Variants in CBFA2T2 observed in about 807,000 individuals in gnomAD.
The protein encoded by CBFA2T2 is CBFA2/RUNX1 partner transcriptional co-repressor 2.
Under a neutral mutation model 62.2 loss-of-function variants are expected in CBFA2T2, and 11 were observed. That is an observed-to-expected ratio of 0.18 (90% confidence interval 0.11 to 0.29). The LOEUF is 0.29. Among genes scored for constraint, CBFA2T2 ranks in the 10% least tolerant of loss-of-function variants. CBFA2T2 has a pLI of 1.00. For synonymous variants in CBFA2T2, 295 were observed against 287.5 expected (o/e 1.03, Z -0.27); for missense variants, 592 against 774.1 (o/e 0.76, Z 2.79).
chr20:33,538,674 A>G (rs964497428), intron 1 of CBFA2T2, among the ~76,000 whole-genome samples: 3 of 151,930 alleles, frequency 2.0e-5, no homozygotes, highest in African/African-American at 4.8e-5. Flanking sequence ...CCTCCGTTGG[A>G]TTTTCTGTAC....
At chr20:33,587,588 A>G (rs911804566) in intron 1 of CBFA2T2, among the ~76,000 whole-genome samples, 4 of 151,522 alleles carry the variant, frequency 2.6e-5, no homozygotes, top group Non-Finnish European at 4.4e-5. Context: ...TTTAGTAGAG[A>G]CAGGGTTTCA....
intron 1 of CBFA2T2, among the ~76,000 whole-genome samples, chr20:33,564,823 A>G (rs1206497292): frequency 6.6e-6 from 1 of 151,918 alleles, no homozygotes; most frequent in African/African-American, 2.4e-5. Flanking sequence ...CAAGCAATAG[A>G]GCCACCTCGA....
intron 10 of CBFA2T2, among the ~76,000 whole-genome samples, chr20:33,643,024 C>T (rs1011835835): frequency 3.3e-5 from 5 of 152,226 alleles, no homozygotes; most frequent in Non-Finnish European, 5.9e-5. Context: ...GATGAGTTTG[C>T]ATTGGACCAA....
At chr20:33,614,349 A>G (rs2015629554) in intron 3 of CBFA2T2, among the ~76,000 whole-genome samples, 1 of 152,156 alleles carries the variant, frequency 6.6e-6, no homozygotes, top group African/African-American at 2.4e-5. Context: ...CCTGTTTGCC[A>G]TTGTGTATTT....
chr20:33,574,517 C>T (rs1048903760), intron 1 of CBFA2T2, among the ~76,000 whole-genome samples: 10 of 152,120 alleles, frequency 6.6e-5, no homozygotes, highest in African/African-American at 1.9e-4. Context: ...CCCAGCTACT[C>T]GGGTGGCTGA....
At chr20:33,611,929 A>G (rs1299817882) in intron 3 of CBFA2T2, among the ~76,000 whole-genome samples, 1 of 152,222 alleles carries the variant, frequency 6.6e-6, no homozygotes, top group Non-Finnish European at 1.5e-5. Context: ...CAACAGGCCC[A>G]CTGGTGTCCA....
At chr20:33,539,292 C>T (rs2012347351) in intron 1 of CBFA2T2, among the ~76,000 whole-genome samples, 1 of 152,224 alleles carries the variant, frequency 6.6e-6, no homozygotes. Context: ...GCCTGCAACA[C>T]AGTGTGGGTA....
chr20:33,581,030 G>A (rs1158389678), intron 1 of CBFA2T2, among the ~76,000 whole-genome samples: 1 of 137,724 alleles, frequency 7.3e-6, no homozygotes, highest in African/African-American at 2.6e-5. Context: ...TCCCCTCCCC[G>A]TCCTGTCCAT....
At chr20:33,568,565 G>A (rs539303558) in intron 1 of CBFA2T2, among the ~76,000 whole-genome samples, 1 of 152,254 alleles carries the variant, frequency 6.6e-6, no homozygotes, top group East Asian at 1.9e-4. Context: ...GCGGGCGCGT[G>A]CCTGCTCTGT....
rs1309987839 is a variant in CBFA2T2 at position 33,544,931 on chromosome 20, TGAATAGAATAGAACA to T, written c.34+54644_34+54658del. On this transcript the variant is annotated intron_variant, in intron 1 of 10. Coordinates refer to ENST00000342704, the MANE Select transcript of CBFA2T2 (RefSeq NM_001032999.3). ...AATAAATATTTGTTGCATGCATGAG[TGAATAGAATAGAACA>T]GAATAGAATAGAATAGAATAGAATA... Among the ~76,000 whole-genome samples the T allele has an allele frequency of 1.3e-3, 182 of 137,042 alleles. 3 individuals are homozygous for T. Among genetic ancestry groups the T allele is most frequent in the East Asian group, 4.7e-3 (23 of 4,936 alleles). 89.9% of individuals were successfully genotyped at this position (137,042 alleles called of 152,430 possible).
intron 1 of CBFA2T2, among the ~76,000 whole-genome samples, chr20:33,502,878 C>T (rs1811597794): frequency 6.7e-6 from 1 of 150,244 alleles, no homozygotes; most frequent in Non-Finnish European, 1.5e-5. Context: ...ATCACGAGGT[C>T]AGGAGATCGA....
At chr20:33,628,762 C>T (rs2016344676) in intron 7 of CBFA2T2, among the ~76,000 whole-genome samples, 1 of 152,236 alleles carries the variant, frequency 6.6e-6, no homozygotes, top group African/African-American at 2.4e-5. Context: ...AGCCACCGCA[C>T]TCAGCCTACT....
intron 1 of CBFA2T2, among the ~76,000 whole-genome samples, chr20:33,602,578 C>T (rs376619991): frequency 2.0e-5 from 3 of 151,938 alleles, no homozygotes; most frequent in Non-Finnish European, 2.9e-5. Flanking sequence ...CCCTTACCCA[C>T]GTGGAATATG....
In CBFA2T2 at chr20:33,529,746, TATA is replaced by T. The variant is rs1568802626; in HGVS notation, c.34+39446_34+39448del. Reference sequence around the variant, plus strand: ...GTATCAAGAAAGAAGAAAGCAGTTATATATATATATATATATATATATATATAT... The same window carrying T: ...GTATCAAGAAAGAAGAAAGCAGTTATTATATATATATATATATATATATAT... On this transcript the variant is annotated intron_variant, in intron 1 of 10. Transcript: ENST00000342704. Among the ~76,000 whole-genome samples the T allele has an allele frequency of 9.3e-3, 1,202 of 129,292 alleles. 69 individuals are homozygous for T. Among genetic ancestry groups the T allele is most frequent in the African/African-American group, 0.036 (1,138 of 31,432 alleles). 84.8% of individuals were successfully genotyped at this position (129,292 alleles called of 152,430 possible).
intron 1 of CBFA2T2, among the ~76,000 whole-genome samples, chr20:33,601,213 C>T (rs2015119697): frequency 6.6e-6 from 1 of 152,018 alleles, no homozygotes; most frequent in Non-Finnish European, 1.5e-5. Flanking sequence ...CCACGCCCAG[C>T]CTGAGAGTCT....
At chr20:33,587,473 A>G (rs1048541142) in intron 1 of CBFA2T2, among the ~76,000 whole-genome samples, 39 of 151,098 alleles carry the variant, frequency 2.6e-4, no homozygotes, top group African/African-American at 8.8e-4. Flanking sequence ...TCACCGTGTT[A>G]GCCAGGATGG....
At chr20:33,619,477 TC>T in intron 3 of CBFA2T2, 39 bp from the exon 4 acceptor site, 1 of 1,179,202 alleles carries the variant, frequency 8.5e-7, no homozygotes, top group Non-Finnish European at 1.2e-6. Context: ...GTTTTGGAAG[TC>T]CAGTTTTGGA....
At chr20:33,516,431 C>G (rs554825994) in intron 1 of CBFA2T2, among the ~76,000 whole-genome samples, 12 of 152,332 alleles carry the variant, frequency 7.9e-5, no homozygotes, top group African/African-American at 2.9e-4. Flanking sequence ...GAGCGTGCCA[C>G]TGCACTCCAG....
At chr20:33,509,295 A>G (rs1487083743) in intron 1 of CBFA2T2, among the ~76,000 whole-genome samples, 1 of 152,110 alleles carries the variant, frequency 6.6e-6, no homozygotes, top group African/African-American at 2.4e-5. Flanking sequence ...TGAACTCTGG[A>G]GGTGGAGGTT....
Sources: allele counts gnomAD v4.1 joint callset (sites outside exome capture counted in the v4.1 genomes callset), GRCh38; gene constraint gnomAD v4.1.1; transcripts MANE v1.5; gene names NCBI Gene and HGNC (gene_info 2026-07-23, HGNC 2026-07-21).